NEK1: variants seen among roughly 807,000 people sequenced by gnomAD.
NEK1 encodes the protein NIMA related kinase 1, also known as serine/threonine-protein kinase Nek1.
A neutral mutation model predicts 182.1 loss-of-function variants in NEK1; 137 were observed. The ratio of observed to expected loss-of-function variants is 0.75; its 90% CI spans 0.65 to 0.87. The LOEUF is 0.87. Among genes scored for constraint, NEK1 ranks in the 40% least tolerant of loss-of-function variants. NEK1 has a pLI of 0.00. For missense variants in NEK1, 1,391 were observed against 1,494.4 expected (o/e 0.93, Z 1.14); for synonymous variants, 513 against 492.2 (o/e 1.04, Z -0.56).
intron 27 of NEK1, 103 bp from the exon 28 acceptor site, chr4:169,438,362 G>C (rs1210469701): frequency 7.7e-6 from 6 of 777,264 alleles, no homozygotes; most frequent in Non-Finnish European, 1.2e-5. Context: ...TACTGCAACA[G>C]GCAATTACTA....
intron 26 of NEK1, among the ~76,000 whole-genome samples, chr4:169,471,623 C>T (rs1405579609): frequency 6.6e-6 from 1 of 152,172 alleles, no homozygotes; most frequent in Non-Finnish European, 1.5e-5. Flanking sequence ...CTGGAAGAGG[C>T]AGTCTGTCCC....
At chr4:169,499,989 C>T (rs1174074993) in intron 23 of NEK1, among the ~76,000 whole-genome samples, 4 of 151,444 alleles carry the variant, frequency 2.6e-5, no homozygotes, top group South Asian at 2.1e-4. Context: ...CTATGCCCTG[C>T]CCCCAGAGGT....
intron 19 of NEK1, among the ~76,000 whole-genome samples, chr4:169,529,318 T>C (rs1757339043): frequency 6.6e-6 from 1 of 151,796 alleles, no homozygotes; most frequent in Non-Finnish European, 1.5e-5. Context: ...AAGAGCAAAA[T>C]AGAAATCAAG....
At chr4:169,507,919 T>A in intron 21 of NEK1, 127 bp from the exon 22 acceptor site, 1 of 748,256 alleles carries the variant, frequency 1.3e-6, no homozygotes, top group Non-Finnish European at 2.2e-6. Context: ...TTAATGCTGT[T>A]AGTTTTCTCC....
At chr4:169,470,488 G>A (rs1341008768) in intron 26 of NEK1, among the ~76,000 whole-genome samples, 2 of 152,174 alleles carry the variant, frequency 1.3e-5, no homozygotes, top group Admixed American at 1.3e-4. Context: ...AGAGAGATCT[G>A]CTGTTAGTTC....
At chr4:169,400,202 A>G (rs1487174086) in intron 35 of NEK1, 23 bp downstream of exon 35, 1 of 1,564,394 alleles carries the variant, frequency 6.4e-7, no homozygotes, top group South Asian at 1.2e-5. Flanking sequence ...TGAAAATTAT[A>G]CAGACATGTG....
chr4:169,417,565 A>G (rs929036208), intron 31 of NEK1, among the ~76,000 whole-genome samples: 1 of 152,220 alleles, frequency 6.6e-6, no homozygotes, highest in Non-Finnish European at 1.5e-5. Context: ...GAGTATCATC[A>G]GCATATAAAT....
chr4:169,459,909 G>A (rs1252713924), intron 27 of NEK1, among the ~76,000 whole-genome samples: 4 of 152,118 alleles, frequency 2.6e-5, no homozygotes, highest in Non-Finnish European at 5.9e-5. Context: ...AGAGCACAGG[G>A]GATTCTTGGG....
intron 26 of NEK1, among the ~76,000 whole-genome samples, chr4:169,464,145 A>G (rs547710373): frequency 8.1e-4 from 123 of 151,874 alleles, no homozygotes; most frequent in Admixed American, 2.4e-3. Flanking sequence ...ATAAGCAATC[A>G]TTTTCTTACA....
intron 26 of NEK1, among the ~76,000 whole-genome samples, chr4:169,465,194 A>G (rs1371675861): frequency 2.0e-5 from 3 of 152,168 alleles, no homozygotes; most frequent in African/African-American, 7.2e-5. Flanking sequence ...TAGAGAACCC[A>G]GAAATAGACC....
At chr4:169,507,189 T>TG in intron 22 of NEK1, 57 bp from the exon 23 acceptor site, 4 of 979,130 alleles carry the variant, frequency 4.1e-6, no homozygotes, top group South Asian at 1.7e-5. Context: ...AGAGGTTTTT[T>TG]TTTTTTTTTT....
rs200619983 is a variant in NEK1, at chr4:169,424,728, T to C, written c.3047A>G (p.His1016Arg). ...CAAGTGTTCAGAATGAACCACCTTA[T>C]GGAAAAATGGTTCCGGTTGCACAGA... ...DKSVQPEPFF[H>R]KVVHSEHLNL... Residue 1016 changes from histidine to arginine, a missense_variant, in exon 31 of 36, where the codon CAT becomes CGT. His to Arg is a conservative substitution (Grantham distance 29). Coordinates refer to ENST00000507142, the MANE Select transcript of NEK1 (RefSeq NM_001199397.3). 92 of 1,613,878 alleles carry C rather than the reference T, an allele frequency of 5.7e-5. No homozygotes were observed. In the African/African-American group the frequency reaches 1.1e-3, roughly 19 times the overall value.
intron 4 of NEK1, among the ~76,000 whole-genome samples, chr4:169,600,625 A>T (rs1454827030): frequency 2.0e-5 from 3 of 152,180 alleles, no homozygotes; most frequent in Non-Finnish European, 2.9e-5. Flanking sequence ...GCTAATTAAG[A>T]ATCTGTATGA....
chr4:169,431,245 C>T (rs1737373477), intron 29 of NEK1, among the ~76,000 whole-genome samples: 1 of 151,972 alleles, frequency 6.6e-6, no homozygotes, highest in Non-Finnish European at 1.5e-5. Context: ...TTTTATAATG[C>T]TATAATGTGT....
At chr4:169,558,214 T>C (rs1661406477) in intron 16 of NEK1, among the ~76,000 whole-genome samples, 1 of 152,198 alleles carries the variant, frequency 6.6e-6, no homozygotes, top group South Asian at 2.1e-4. Context: ...CAAAAGTAGG[T>C]AAACATCTCA....
intron 31 of NEK1, among the ~76,000 whole-genome samples, chr4:169,412,003 C>A (rs1733760762): frequency 6.6e-6 from 1 of 152,222 alleles, no homozygotes; most frequent in Non-Finnish European, 1.5e-5. Flanking sequence ...TCAATTTTTC[C>A]AATTATTTAT....
chr4:169,497,471 C>T (rs1446403118), intron 23 of NEK1, among the ~76,000 whole-genome samples: 4 of 151,878 alleles, frequency 2.6e-5, no homozygotes, highest in South Asian at 4.2e-4. Flanking sequence ...TGCTCTTGCT[C>T]CTCTAGTTCT....
chr4:169,572,142 G>A (rs889193146), intron 12 of NEK1, among the ~76,000 whole-genome samples: 1 of 152,086 alleles, frequency 6.6e-6, no homozygotes, highest in African/African-American at 2.4e-5. Context: ...CATTTGGGCT[G>A]CTCACATGAG....
At chr4:169,412,540 C>T (rs1324460454) in intron 31 of NEK1, among the ~76,000 whole-genome samples, 1 of 152,196 alleles carries the variant, frequency 6.6e-6, no homozygotes, top group African/African-American at 2.4e-5. Flanking sequence ...TATTGGACTT[C>T]TTTGGCCTGC....
Sources: gnomAD v4.1 joint callset for allele counts (sites outside exome capture counted in the v4.1 genomes callset) on GRCh38, gnomAD v4.1.1 for gene constraint, MANE v1.5 for transcripts, NCBI Gene and HGNC (gene_info 2026-07-23, HGNC 2026-07-21) for gene names.